The following GALNT13 variants were observed in gnomAD, a reference collection of about 807,000 sequenced individuals.
GALNT13 encodes UDP-GalNAc:polypeptide N-acetylgalactosaminyltransferase 13.
In GALNT13, 28 loss-of-function variants were observed where a neutral mutation model predicts 64.2. That is an observed-to-expected ratio of 0.44 (90% CI 0.32 to 0.60). The LOEUF (loss-of-function observed/expected upper bound fraction) is 0.60, where lower values mean the gene tolerates loss of function less well. Among genes scored for constraint, GALNT13 ranks in the 20% least tolerant of loss-of-function variants. The pLI, the probability that GALNT13 is intolerant of heterozygous loss-of-function variation, is 0.05. For synonymous variants in GALNT13, 214 were observed against 224.6 expected, an observed-to-expected ratio of 0.95 and a Z score of 0.42; for missense variants, 577 against 669.8, an observed-to-expected ratio of 0.86 and a Z score of 1.53.
At chr2:153,782,926 C>T in the GALNT13 span, among the ~76,000 whole-genome samples, 1 of 152,152 alleles carries the variant, frequency 6.6e-6, no homozygotes, top group African/African-American at 2.4e-5. Context: ...TCTTTTGAGG[C>T]CTGTCAACAC....
chr2:153,541,175 T>G, the GALNT13 span, among the ~76,000 whole-genome samples: 171 of 152,278 alleles, frequency 1.1e-3, no homozygotes, highest in African/African-American at 4.0e-3. Flanking sequence ...CCTGTTATCA[T>G]GATAGAGAGT....
At chr2:153,454,701 A>G in the GALNT13 span, among the ~76,000 whole-genome samples, 1 of 152,170 alleles carries the variant, frequency 6.6e-6, no homozygotes, top group Non-Finnish European at 1.5e-5. Context: ...TACACCTTCC[A>G]TATCTCCTCT....
At chr2:154,073,450 T>C (rs561588596) in intron 3 of GALNT13, among the ~76,000 whole-genome samples, 2 of 152,112 alleles carry the variant, frequency 1.3e-5, no homozygotes, top group African/African-American at 4.8e-5. Flanking sequence ...ATTTGAATTT[T>C]AGAAAACTTG....
At chr2:153,794,561 C>T in the GALNT13 span, among the ~76,000 whole-genome samples, 1 of 151,052 alleles carries the variant, frequency 6.6e-6, no homozygotes, top group Admixed American at 6.6e-5. Context: ...TGCTCTGTCA[C>T]CCAGGCGAGA....
intron 3 of GALNT13, among the ~76,000 whole-genome samples, chr2:154,100,482 G>T (rs182708356): frequency 1.0e-3 from 155 of 152,164 alleles, no homozygotes; most frequent in African/African-American, 3.6e-3. Flanking sequence ...AAATGAGATT[G>T]AGTTTTGAAT....
At chr2:153,332,789 A>G in the GALNT13 span, among the ~76,000 whole-genome samples, 2 of 152,278 alleles carry the variant, frequency 1.3e-5, no homozygotes, top group East Asian at 1.9e-4. Flanking sequence ...AACCCAATGC[A>G]TGGGTGCTCA....
At chr2:153,753,632 G>C in the GALNT13 span, among the ~76,000 whole-genome samples, 2 of 152,130 alleles carry the variant, frequency 1.3e-5, no homozygotes, top group African/African-American at 4.8e-5. Flanking sequence ...ACCCACCTGG[G>C]GGGTGGAATG....
At chr2:153,178,750 T>C in the GALNT13 span, among the ~76,000 whole-genome samples, 4 of 144,094 alleles carry the variant, frequency 2.8e-5, no homozygotes, top group African/African-American at 1.1e-4. Context: ...TTTTTTTTTT[T>C]TTTGAGATGG....
At chr2:153,905,357 C>T (rs1003253969) in intron 2 of GALNT13, among the ~76,000 whole-genome samples, 7 of 151,858 alleles carry the variant, frequency 4.6e-5, no homozygotes, top group African/African-American at 7.2e-5. Context: ...AGTACTAAAC[C>T]TTATATATAG....
the GALNT13 span, among the ~76,000 whole-genome samples, chr2:153,628,814 T>C: frequency 6.6e-6 from 1 of 151,922 alleles, no homozygotes; most frequent in Non-Finnish European, 1.5e-5. Context: ...TCTCTTTTTT[T>C]GTTGTGTCTC....
the GALNT13 span, among the ~76,000 whole-genome samples, chr2:153,286,300 A>T: frequency 1.3e-5 from 2 of 152,278 alleles, no homozygotes; most frequent in East Asian, 3.9e-4. Context: ...TTTCTCCATT[A>T]TCTTTACAAT....
chr2:154,099,855 A>C (rs1702259400), intron 3 of GALNT13, among the ~76,000 whole-genome samples: 1 of 152,092 alleles, frequency 6.6e-6, no homozygotes, highest in Non-Finnish European at 1.5e-5. Context: ...CTAGAGAATC[A>C]CTTGAGCCTG....
At chr2:153,529,644 T>C in the GALNT13 span, among the ~76,000 whole-genome samples, 1 of 151,544 alleles carries the variant, frequency 6.6e-6, no homozygotes, top group Non-Finnish European at 1.5e-5. Flanking sequence ...AATATTGATA[T>C]AAATATCCTC....
chr2:153,673,850 C>G, the GALNT13 span, among the ~76,000 whole-genome samples: 11 of 152,306 alleles, frequency 7.2e-5, no homozygotes, highest in East Asian at 1.4e-3. Flanking sequence ...GCAACTTCAG[C>G]AAAGTCTCAG....
chr2:153,205,984 A>G, the GALNT13 span, among the ~76,000 whole-genome samples: 1 of 152,194 alleles, frequency 6.6e-6, no homozygotes, highest in East Asian at 1.9e-4. Context: ...AGAGCCCTCA[A>G]TAAGTCCTGA....
chr2:153,793,315 CA>C, the GALNT13 span, among the ~76,000 whole-genome samples: 1 of 152,090 alleles, frequency 6.6e-6, no homozygotes, highest in Admixed American at 6.6e-5. Flanking sequence ...AAAAAAAATA[CA>C]GGTTTTTCTA....
At chr2:153,097,933 G>A in the GALNT13 span, among the ~76,000 whole-genome samples, 4 of 152,126 alleles carry the variant, frequency 2.6e-5, no homozygotes, top group Non-Finnish European at 4.4e-5. Flanking sequence ...GGGCGTGGTC[G>A]TGGGCACCTG....
the GALNT13 span, among the ~76,000 whole-genome samples, chr2:153,432,183 C>T: frequency 1.3e-5 from 2 of 152,104 alleles, no homozygotes; most frequent in East Asian, 1.9e-4. Flanking sequence ...TGGATTCTTA[C>T]AGAGGTCAAT....
intron 3 of GALNT13, among the ~76,000 whole-genome samples, chr2:153,958,235 G>C (rs1330411253): frequency 6.6e-6 from 1 of 152,092 alleles, no homozygotes; most frequent in Non-Finnish European, 1.5e-5. Context: ...AACCCACTGA[G>C]AGTTGGGAGA....
Sources: allele counts gnomAD v4.1 joint callset (sites outside exome capture counted in the v4.1 genomes callset), GRCh38; gene constraint gnomAD v4.1.1; transcripts MANE v1.5; gene names NCBI Gene and HGNC (gene_info 2026-07-23, HGNC 2026-07-21).